The following RIN2 variants were observed in gnomAD, a reference collection of about 807,000 sequenced individuals.
RIN2 encodes RAB5 interacting protein 2.
Under a neutral mutation model 78.0 loss-of-function variants are expected in RIN2, and 36 were observed. That is an observed-to-expected ratio of 0.46 (90% CI 0.35 to 0.61). The LOEUF (loss-of-function observed/expected upper bound fraction) is 0.61, where lower values mean the gene tolerates loss of function less well. RIN2 is among the 20% of genes least tolerant of loss of function. RIN2 has a pLI of 0.00. For synonymous variants in RIN2, 466 were observed against 466.8 expected (o/e 1.00, Z 0.02); for missense variants, 1,087 against 1,159.7 (o/e 0.94, Z 0.91).
intron 3 of RIN2, among the ~76,000 whole-genome samples, chr20:19,929,728 G>C (rs1361631954): frequency 6.6e-6 from 1 of 152,146 alleles, no homozygotes; most frequent in Non-Finnish European, 1.5e-5. Flanking sequence ...CCTTTGTTGG[G>C]TGACAAGTTA....
chr20:19,990,678 G>A (rs981764715), intron 10 of RIN2, among the ~76,000 whole-genome samples: 4 of 151,978 alleles, frequency 2.6e-5, no homozygotes, highest in African/African-American at 4.8e-5. Flanking sequence ...AGTTTTCTGC[G>A]TCTTTAGCCG....
chr20:19,834,961 GAGAGAGAA>G (rs1396015825), intron 2 of RIN2, among the ~76,000 whole-genome samples: 2 of 149,440 alleles, frequency 1.3e-5, no homozygotes, highest in African/African-American at 2.5e-5. Flanking sequence ...GAGAGAGAGA[GAGAGAGAA>G]AGAAAGAAAG....
At chr20:19,786,397 T>C (rs939964091) in intron 1 of RIN2, among the ~76,000 whole-genome samples, 1 of 152,130 alleles carries the variant, frequency 6.6e-6, no homozygotes, top group Non-Finnish European at 1.5e-5. Context: ...ACAGATCACA[T>C]GACAAAGCCC....
At chr20:19,816,508 A>G (rs1489265222) in intron 2 of RIN2, among the ~76,000 whole-genome samples, 1 of 152,206 alleles carries the variant, frequency 6.6e-6, no homozygotes, top group African/African-American at 2.4e-5. Flanking sequence ...AAGGTGTCAG[A>G]AGATCAAATT....
intron 1 of RIN2, among the ~76,000 whole-genome samples, chr20:19,773,178 C>G (rs1200923001): frequency 6.6e-6 from 1 of 152,206 alleles, no homozygotes; most frequent in Non-Finnish European, 1.5e-5. Flanking sequence ...CACACATTCT[C>G]CCTGAGTGTC....
chr20:19,767,972 G>A (rs2033961156), intron 1 of RIN2, among the ~76,000 whole-genome samples: 1 of 150,946 alleles, frequency 6.6e-6, no homozygotes. Flanking sequence ...CATGGAGAGA[G>A]ACGGAGGATG....
intron 11 of RIN2, among the ~76,000 whole-genome samples, chr20:19,996,275 C>G (rs1192169883): frequency 6.6e-6 from 1 of 152,218 alleles, no homozygotes; most frequent in Admixed American, 6.5e-5. Flanking sequence ...GATTGTGCCA[C>G]TGCACTCCAG....
Position 19,975,173 on chromosome 20 carries a change from G to A in RIN2, c.1148G>A (p.Gly383Asp). ...AAGACCTTGAGCGGCGGCCGGCCGG[G>A]CGCAGGCCCGGAGCTGGAGCTGGGC... ...GAKTLSGGRP[G>D]AGPELELGTA... Residue 383 changes from glycine (G) to aspartate (D), a missense_variant, in exon 9 of 13, where the codon GGC (glycine) becomes GAC (aspartate). Gly to Asp is a moderately conservative substitution (Grantham distance 94, BLOSUM62 -1). Around this residue, in one of 8 missense-constraint regions of RIN2, gnomAD observed 706 missense variants for 667.5 expected, o/e 1.06. Transcript: ENST00000255006. The surrounding 1 kb of genome is among the most constrained non-coding windows in gnomAD (Gnocchi z 4.9). 2 of 1,610,620 alleles carry A rather than the reference G, an allele frequency of 1.2e-6. No individual in the cohort carries two copies. The highest frequency in any genetic ancestry group is 1.7e-6 in the Non-Finnish European group (2 of 1,178,838).
chr20:19,921,573 TC>T (rs1227379479), intron 3 of RIN2, among the ~76,000 whole-genome samples: 2 of 152,194 alleles, frequency 1.3e-5, no homozygotes, highest in Non-Finnish European at 2.9e-5. Flanking sequence ...GCATTCCTGC[TC>T]CGTGGAATTC....
intron 3 of RIN2, among the ~76,000 whole-genome samples, chr20:19,933,938 A>G (rs1391020438): frequency 1.3e-5 from 2 of 152,098 alleles, no homozygotes; most frequent in East Asian, 3.9e-4. Context: ...CCTCTGGAGT[A>G]GCTGGGACTA....
chr20:19,840,955 T>C (rs2036558148), intron 2 of RIN2, among the ~76,000 whole-genome samples: 1 of 152,210 alleles, frequency 6.6e-6, no homozygotes, highest in Non-Finnish European at 1.5e-5. Flanking sequence ...GTGTGGACTT[T>C]TGTCTCACTT....
Position 19,795,543 on chromosome 20 carries a change from G to A in RIN2, c.-162-4079G>A, listed in dbSNP as rs557270315. Among the ~76,000 whole-genome samples the A allele has an allele frequency of 2.0e-4, 31 of 152,158 alleles. No homozygotes were observed. The South Asian group carries it at 3.9e-3, about 19-fold the overall frequency. On this transcript the variant is annotated intron_variant, in intron 1 of 12. Transcript: ENST00000255006. ...TTTTTTATTGCCCTCTATTTTGCCC[G>A]TGAGATAAGGGTGTCAGAGATCTAA...
At chr20:19,923,425 T>TAAAAAAAATA (rs1555791775) in intron 3 of RIN2, among the ~76,000 whole-genome samples, 1 of 125,298 alleles carries the variant, frequency 8.0e-6, no homozygotes, top group Non-Finnish European at 1.6e-5. Flanking sequence ...CAAAATAAAA[T>TAAAAAAAATA]AAATAAAATA....
chr20:19,806,949 G>A (rs1488898729), intron 2 of RIN2, among the ~76,000 whole-genome samples: 1 of 152,196 alleles, frequency 6.6e-6, no homozygotes, highest in Non-Finnish European at 1.5e-5. Flanking sequence ...CTGGGATCTG[G>A]CAGATCTAGG....
Position 19,836,151 on chromosome 20 carries a change from G to A in RIN2, c.-37+36404G>A, listed in dbSNP as rs111995507. Among the ~76,000 whole-genome samples, 805 of 152,240 alleles carry A rather than the reference G, an allele frequency of 5.3e-3. 8 individuals carry two copies. The highest frequency in any genetic ancestry group is 0.019 in the African/African-American group (784 of 41,546). ...TTTGTTCCCACGACTGGTATCATCT[G>A]GTGACATCAGATGCTGCACAATCCA... On this transcript the variant is annotated intron_variant, in intron 2 of 12. Coordinates refer to ENST00000255006, the MANE Select transcript of RIN2 (RefSeq NM_018993.4).
intron 3 of RIN2, among the ~76,000 whole-genome samples, chr20:19,933,883 A>T (rs1405462927): frequency 6.6e-6 from 1 of 152,108 alleles, no homozygotes; most frequent in East Asian, 1.9e-4. Flanking sequence ...ATCTTGGCTC[A>T]CTGCAACCTC....
intron 1 of RIN2, among the ~76,000 whole-genome samples, chr20:19,764,047 C>T (rs1262109708): frequency 6.6e-6 from 1 of 151,992 alleles, no homozygotes; most frequent in Admixed American, 6.6e-5. Context: ...GATTTGGAAA[C>T]ATTTGTATTT....
chr20:19,920,262 C>G lies in RIN2; in HGVS notation c.58-14837C>G, dbSNP rs544992805. 1.3e-3 allele frequency among the ~76,000 whole-genome samples: 197 copies of G among 149,472 alleles called. 1 individual carries two copies. The highest frequency in any genetic ancestry group is 8.9e-5 in the Non-Finnish European group (6 of 67,768). ...AGTGAGCTGAGATCGCGCCACTGCA[C>G]TCCAGTCTGGGCGACAGAGCGAGAC... On this transcript the variant is annotated intron_variant, in intron 3 of 12. Transcript: ENST00000255006.
chr20:20,000,686 T>C lies in RIN2; in HGVS notation c.2438T>C (p.Ile813Thr), dbSNP rs770814206. 2 of 1,613,778 alleles carry C rather than the reference T, an allele frequency of 1.2e-6. No individual in the cohort carries two copies. The highest frequency in any genetic ancestry group is 1.7e-6 in the Non-Finnish European group (2 of 1,179,712). Residue 813 changes from isoleucine to threonine, a missense_variant, in exon 13 of 13, where the codon ATC (isoleucine) becomes ACC (threonine). Coordinates refer to ENST00000255006, the MANE Select transcript of RIN2 (RefSeq NM_018993.4). ...AAGACCCTCCTTGTGAGACCTTACA[T>C]CACCACTGAGGATGTGTGTCAGATC... ...TGKTLLVRPY[I>T]TTEDVCQICA... is the part of the protein sequence containing the mutation.
Sources: gnomAD v4.1 joint callset for allele counts (sites outside exome capture counted in the v4.1 genomes callset) on GRCh38, gnomAD v4.1.1 for gene constraint, gnomAD v4.1.1 regional missense constraint, Gnocchi (gnomAD v3.1) non-coding constraint, MANE v1.5 for transcripts, NCBI Gene and HGNC (gene_info 2026-07-23, HGNC 2026-07-21) for gene names.